The following HYAL4 variants were observed in gnomAD, a reference collection of about 807,000 sequenced individuals.
HYAL4 encodes the protein hyaluronidase-4.
Under a neutral mutation model 35.2 loss-of-function variants are expected in HYAL4, and 37 were observed. The ratio of observed to expected loss-of-function variants is 1.05; its 90% confidence interval spans 0.81 to 1.38. The LOEUF is 1.38. Ranked by LOEUF, HYAL4 falls within the 40% of genes most tolerant of loss-of-function variation. The pLI is 0.00. For missense variants in HYAL4, 572 were observed against 572.4 expected (o/e 1.00, Z 0.01); for synonymous variants, 198 against 203.2 (o/e 0.97, Z 0.22).
intron 1 of HYAL4, among the ~76,000 whole-genome samples, chr7:123,830,667 G>A (rs545064579): frequency 7.9e-5 from 12 of 152,116 alleles, no homozygotes; most frequent in Non-Finnish European, 1.3e-4. Context: ...CATTTCACAA[G>A]CAGTATGTTA....
intron 2 of HYAL4, among the ~76,000 whole-genome samples, chr7:123,852,353 A>G (rs576295250): frequency 6.6e-6 from 1 of 152,090 alleles, no homozygotes; most frequent in African/African-American, 2.4e-5. Flanking sequence ...GTTTTCTTCT[A>G]GGGTTTTTAT....
chr7:123,809,684 C>T, the HYAL4 span, among the ~76,000 whole-genome samples: 2 of 152,232 alleles, frequency 1.3e-5, no homozygotes, highest in East Asian at 3.9e-4. Flanking sequence ...CTTGTGTGAG[C>T]CACTGCCCCC....
intron 2 of HYAL4, among the ~76,000 whole-genome samples, chr7:123,867,890 T>C (rs1042472203): frequency 2.0e-5 from 3 of 152,212 alleles, no homozygotes; most frequent in African/African-American, 7.2e-5. Flanking sequence ...GCACAATGCC[T>C]GGGATTTGAT....
chr7:123,815,796 A>G, the HYAL4 span, among the ~76,000 whole-genome samples: 1 of 152,208 alleles, frequency 6.6e-6, no homozygotes, highest in Admixed American at 6.5e-5. Flanking sequence ...ACAATACTTT[A>G]TGCCAGTACC....
the HYAL4 span, among the ~76,000 whole-genome samples, chr7:123,815,795 T>C: frequency 6.6e-6 from 1 of 152,210 alleles, no homozygotes; most frequent in African/African-American, 2.4e-5. Flanking sequence ...AACAATACTT[T>C]ATGCCAGTAC....
At chr7:123,807,397 A>T in the HYAL4 span, among the ~76,000 whole-genome samples, 1 of 150,404 alleles carries the variant, frequency 6.6e-6, no homozygotes, top group Non-Finnish European at 1.5e-5. Flanking sequence ...CCTTTTAAAA[A>T]ATTTTTTGAC....
chr7:123,765,048 A>C, the HYAL4 span, among the ~76,000 whole-genome samples: 1 of 152,260 alleles, frequency 6.6e-6, no homozygotes, highest in East Asian at 1.9e-4. Context: ...ATGCAACATT[A>C]AGTACGTAAC....
chr7:123,769,109 T>C, the HYAL4 span, among the ~76,000 whole-genome samples: 5,781 of 152,374 alleles, frequency 0.038, 149 homozygotes, highest in Middle Eastern at 0.11. Context: ...AGTGAGTTCA[T>C]TACCTATGTA....
intron 2 of HYAL4, among the ~76,000 whole-genome samples, chr7:123,857,772 G>A (rs12673151): frequency 0.28 from 41,181 of 148,762 alleles, 6,256 homozygotes; most frequent in African/African-American, 0.39. Flanking sequence ...CACATAACAT[G>A]TACTATTTGT....
chr7:123,832,754 G>GC (rs1452648668), intron 1 of HYAL4, among the ~76,000 whole-genome samples: 2 of 151,496 alleles, frequency 1.3e-5, no homozygotes, highest in Non-Finnish European at 2.9e-5. Context: ...GCTTGCTTCG[G>GC]CCCCCCAGGC....
chr7:123,794,634 A>G, the HYAL4 span, among the ~76,000 whole-genome samples: 10 of 152,210 alleles, frequency 6.6e-5, no homozygotes, highest in African/African-American at 2.4e-4. Context: ...GGCAGCTTAC[A>G]TGTGGTTTTG....
chr7:123,779,387 A>G, the HYAL4 span, among the ~76,000 whole-genome samples: 2 of 152,316 alleles, frequency 1.3e-5, no homozygotes, highest in South Asian at 2.1e-4. Context: ...TGAGATTTCC[A>G]GAGTGCTTGC....
chr7:123,876,824 CTGCTGAGGTA>C lies in HYAL4; in HGVS notation c.1119_1128del (p.Glu374AlafsTer12). The C allele has an allele frequency of 6.2e-7, 1 of 1,614,184 alleles. No homozygotes were observed. The highest frequency in any genetic ancestry group is 8.5e-7 in the Non-Finnish European group (1 of 1,180,020). On this transcript the variant is annotated frameshift_variant, in exon 5 of 5. Coordinates refer to ENST00000223026, the MANE Select transcript of HYAL4 (RefSeq NM_012269.3). LOFTEE classifies it low-confidence loss of function (END_TRUNC). ...AGCTACATAGCCAATGTGACCAGAGCTGCTGAGGTATGCAGCCTTCACCTCTGCAGGAACA... is the reference window on the plus strand; with the variant it reads ...AGCTACATAGCCAATGTGACCAGAGCTGCAGCCTTCACCTCTGCAGGAACA...
intron 1 of HYAL4, among the ~76,000 whole-genome samples, chr7:123,847,605 G>A (rs1323716750): frequency 6.6e-6 from 1 of 151,998 alleles, no homozygotes; most frequent in Non-Finnish European, 1.5e-5. Context: ...GTGAAACCCC[G>A]TCTCTACTGA....
chr7:123,867,252 G>T (rs1317390519), intron 2 of HYAL4, among the ~76,000 whole-genome samples: 3 of 152,140 alleles, frequency 2.0e-5, no homozygotes, highest in African/African-American at 7.2e-5. Flanking sequence ...TAAAGGATCA[G>T]TCTGGAATCC....
At chr7:123,875,875 T>C (rs185993047) in intron 4 of HYAL4, among the ~76,000 whole-genome samples, 28 of 152,294 alleles carry the variant, frequency 1.8e-4, no homozygotes, top group Non-Finnish European at 3.8e-4. Context: ...AAATTGAATT[T>C]TTTTGCAAGT....
chr7:123,844,810 G>C (rs1180294778), upstream of HYAL4, among the ~76,000 whole-genome samples: 1 of 152,168 alleles, frequency 6.6e-6, no homozygotes, highest in African/African-American at 2.4e-5. Context: ...GAGTGAGCAA[G>C]GCTCTGTGGG....
the HYAL4 span, chr7:123,814,213 A>G: frequency 6.6e-6 from 1 of 152,628 alleles, no homozygotes; most frequent in South Asian, 2.1e-4. Context: ...CCCTCAAACC[A>G]GCAATGCCTC....
chr7:123,779,825 A>G, the HYAL4 span, among the ~76,000 whole-genome samples: 1 of 152,178 alleles, frequency 6.6e-6, no homozygotes, highest in Non-Finnish European at 1.5e-5. Flanking sequence ...AAACTGATTC[A>G]TCTTGGCTGA....
Sources: allele counts gnomAD v4.1 joint callset (sites outside exome capture counted in the v4.1 genomes callset), GRCh38; gene constraint gnomAD v4.1.1; transcripts MANE v1.5; gene names NCBI Gene and HGNC (gene_info 2026-07-23, HGNC 2026-07-21).